Variants in TFAP4 observed in about 807,000 individuals in gnomAD.
The protein encoded by TFAP4 is activating enhancer-binding protein 4.
In TFAP4, 7 loss-of-function variants were observed where a neutral mutation model predicts 40.4. That is an observed-to-expected ratio of 0.17 (90% CI 0.10 to 0.33). The LOEUF (loss-of-function observed/expected upper bound fraction) is 0.33. TFAP4 is among the 10% of genes least tolerant of loss of function. TFAP4 has a pLI of 1.00. For missense variants in TFAP4, 374 were observed against 451.1 expected, an observed-to-expected ratio of 0.83 and a Z score of 1.55; for synonymous variants, 218 against 181.4, an observed-to-expected ratio of 1.20 and a Z score of -1.62.
intron 1 of TFAP4, among the ~76,000 whole-genome samples, chr16:4,270,894 C>T (rs556799616): frequency 1.3e-5 from 2 of 152,336 alleles, no homozygotes; most frequent in African/African-American, 4.8e-5. Context: ...GGTTCAAGTT[C>T]CAGTTCCACC....
Position 4,260,224 on chromosome 16 carries a change from T to TGGGGGGGGGGGGGGGGGGGGGGGGG in TFAP4, c.687_688insCCCCCCCCCCCCCCCCCCCCCCCCC (p.Thr230ProfsTer90). 4.5e-6 allele frequency: 1 copy of TGGGGGGGGGGGGGGGGGGGGGGGGG among 223,764 alleles called. No homozygotes were observed. Among genetic ancestry groups the TGGGGGGGGGGGGGGGGGGGGGGGGG allele is most frequent in the East Asian group, 1.1e-4 (1 of 8,916 alleles). The allele number at this position is 223,764 out of a possible 1,614,324, so 13.9% of individuals were successfully genotyped here. On this transcript the variant is annotated frameshift_variant, in exon 6 of 7. Transcript: ENST00000204517. LOFTEE classifies it high-confidence loss of function. ...GGCACGATCACCGTGGGGTGGTGGG[T>TGGGGGGGGGGGGGGGGGGGGGGGGG]GGGGGCCGGAGGGGGCAGAAGCTGC...
Position 4,257,887 on chromosome 16 carries a change from G to T in TFAP4, c.*168C>A. ...CCCCAGCCCCGGGACCTCGGGTTGA[G>T]TGGCTTCGTTCAAAGGTCGATTTAC... On this transcript the variant is annotated 3_prime_UTR_variant, in exon 7 of 7. Transcript: ENST00000204517. The T allele has an allele frequency of 1.4e-6, 1 of 706,964 alleles. No individual in the cohort carries two copies. The highest frequency in any genetic ancestry group is 2.3e-6 in the Non-Finnish European group (1 of 440,792). The allele number at this position is 706,964 out of a possible 1,614,324, so 43.8% of individuals were successfully genotyped here. A position where few individuals can be genotyped will look rare whatever the true frequency, so the allele number is the denominator to read the frequency against.
intron 1 of TFAP4, among the ~76,000 whole-genome samples, chr16:4,270,858 TGCA>T (rs911060988): frequency 6.6e-6 from 1 of 152,200 alleles, no homozygotes; most frequent in Non-Finnish European, 1.5e-5. Context: ...AGCCCAGCCC[TGCA>T]GCAGCAGCAA....
chr16:4,267,092 A>C (rs1311381622), intron 1 of TFAP4: 1 of 152,064 alleles, frequency 6.6e-6, no homozygotes, highest in Non-Finnish European at 1.5e-5. Context: ...AGAGTGCAGT[A>C]GCACAATCTC....
intron 1 of TFAP4, chr16:4,262,991 T>C (rs1430067696): frequency 2.4e-6 from 1 of 410,010 alleles, no homozygotes; most frequent in Non-Finnish European, 4.5e-6. Context: ...CTAGGCAACG[T>C]AGTGAGACCC....
chr16:4,271,717 A>C (rs2053042319), intron 1 of TFAP4, among the ~76,000 whole-genome samples: 1 of 152,124 alleles, frequency 6.6e-6, no homozygotes, highest in South Asian at 2.1e-4. Context: ...TGGATGGGAA[A>C]GTTTGCAGAG....
At chr16:4,266,535 C>A (rs1417984320) in intron 1 of TFAP4, 3 of 152,034 alleles carry the variant, frequency 2.0e-5, no homozygotes, top group Admixed American at 6.6e-5. Flanking sequence ...GGAATAGGAG[C>A]TAACCAGGGG....
At chr16:4,260,289 G>A in intron 5 of TFAP4, 44 bp from the exon 6 acceptor site, 1 of 1,520,888 alleles carries the variant, frequency 6.6e-7, no homozygotes, top group Non-Finnish European at 8.8e-7. Context: ...GGCTTCTCTT[G>A]GCCCATCCAC....
In TFAP4 at chr16:4,272,584, A is replaced by T. The variant is rs1479051810; in HGVS notation, c.89+74T>A. ...GGCGGCGCGGGCCATGCGTGCGCAC[A>T]CGCGCGCCCGCCCGGGCGGGCTGGC... On this transcript the variant is annotated intron_variant, in intron 1 of 6. Transcript: ENST00000204517. The T allele has an allele frequency of 2.6e-6, 3 of 1,138,616 alleles. No individual in the cohort carries two copies. In the African/African-American group the frequency reaches 5.2e-5, roughly 20 times the overall value. 70.5% of individuals were successfully genotyped at this position (1,138,616 alleles called of 1,614,324 possible). A position where few individuals can be genotyped will look rare whatever the true frequency, so the allele number is the denominator to read the frequency against.
At chr16:4,261,656 C>T in intron 4 of TFAP4, 123 bp downstream of exon 4, 1 of 1,180,984 alleles carries the variant, frequency 8.5e-7, no homozygotes, top group East Asian at 2.7e-5. Flanking sequence ...ACTCCTAGGC[C>T]TGGCACCGCA....
In TFAP4 at chr16:4,262,521, C is replaced by G; in HGVS notation, c.255+15G>C. 6.2e-7 allele frequency: 1 copy of G among 1,612,716 alleles called. No individual in the cohort carries two copies. Among genetic ancestry groups the G allele is most frequent in the Non-Finnish European group, 8.5e-7 (1 of 1,180,004 alleles). Reference sequence around the variant, plus strand: ...CTGCCGGCTCCTCCAGGAAGCCCTCCCTGCTCTCACCCACCTTGCTGAGCT... The same window carrying G: ...CTGCCGGCTCCTCCAGGAAGCCCTCGCTGCTCTCACCCACCTTGCTGAGCT... On this transcript the variant is annotated intron_variant, in intron 2 of 6. Transcript: ENST00000204517.
In TFAP4 at chr16:4,261,768, C is replaced by T; in HGVS notation, c.525+11G>A. On this transcript the variant is annotated intron_variant, in intron 4 of 6. Transcript: ENST00000204517. ...ACCGCGCGCCGTGCCCAGCAGAGGG[C>T]GCTGCCTCACCTGCTCCTCCAGCAT... The T allele has an allele frequency of 1.3e-6, 2 of 1,593,746 alleles. No individual in the cohort carries two copies. The highest frequency in any genetic ancestry group is 8.5e-7 in the Non-Finnish European group (1 of 1,172,184).
In TFAP4 at chr16:4,261,862, C is replaced by A. The variant is rs559854345; in HGVS notation, c.442G>T (p.Ala148Ser). 6.2e-7 allele frequency: 1 copy of A among 1,613,718 alleles called. No homozygotes were observed. The highest frequency in any genetic ancestry group is 1.1e-5 in the South Asian group (1 of 90,970). The change falls in exon 4 of 7, where the codon GCG (alanine) becomes TCG (serine). Residue 148 changes from alanine (A) to serine (S), a missense_variant. Ala to Ser is a moderately conservative substitution (Grantham distance 99). This residue lies in a region of TFAP4 where 161 missense variants were observed against 154.2 expected (regional missense o/e 1.04). Coordinates refer to ENST00000204517, the MANE Select transcript of TFAP4 (RefSeq NM_003223.3). ...ATCATCTCCCGCCGCAGGTCCTCCG[C>A]CTTCTCGTCCTCCCAGATGTCCGGG... is the stretch of plus-strand genomic sequence containing the variant. ...GSPDIWEDEK[A>S]EDLRREMIEL...
chr16:4,257,823 C>T lies in TFAP4; in HGVS notation c.*232G>A, dbSNP rs904258779. Reference sequence around the variant, plus strand: ...TCCTCCAGCCCCCGGGGCCGAGGCCCCGCCCTGGGGTGCCGATGCTCCCAC... The same window carrying T: ...TCCTCCAGCCCCCGGGGCCGAGGCCTCGCCCTGGGGTGCCGATGCTCCCAC... On this transcript the variant is annotated 3_prime_UTR_variant, in exon 7 of 7. Coordinates refer to ENST00000204517, the MANE Select transcript of TFAP4 (RefSeq NM_003223.3). The T allele has an allele frequency of 2.7e-4, 121 of 440,928 alleles. No homozygotes were observed. The highest frequency in any genetic ancestry group is 6.1e-4 in the Middle Eastern group (1 of 1,636). 27.3% of individuals were successfully genotyped at this position (440,928 alleles called of 1,614,324 possible).
Position 4,257,809 on chromosome 16 carries a change from C to G in TFAP4, c.*246G>C, listed in dbSNP as rs529556746. The G allele has an allele frequency of 1.2e-5, 5 of 419,140 alleles. No homozygotes were observed. The South Asian group carries it at 2.6e-4, about 22-fold the overall frequency. The allele number at this position is 419,140 out of a possible 1,614,324, so 26.0% of individuals were successfully genotyped here. A position where few individuals can be genotyped will look rare whatever the true frequency, so the allele number is the denominator to read the frequency against. On this transcript the variant is annotated 3_prime_UTR_variant, in exon 7 of 7. Transcript: ENST00000204517. ...TCTCCGTGTCAGCTTCCTCCAGCCC[C>G]CGGGGCCGAGGCCCCGCCCTGGGGT...
At chr16:4,263,001 C>G (rs766094740) in intron 1 of TFAP4, 1 of 361,856 alleles carries the variant, frequency 2.8e-6, no homozygotes, top group Non-Finnish European at 5.2e-6. Flanking sequence ...TAGTGAGACC[C>G]TGTCTCTACA....
chr16:4,261,509 G>A (rs1326065499), intron 4 of TFAP4, among the ~76,000 whole-genome samples: 1 of 151,240 alleles, frequency 6.6e-6, no homozygotes, highest in Middle Eastern at 3.4e-3. Flanking sequence ...GGATGGTATC[G>A]ATCTGCTGAC....
intron 1 of TFAP4, chr16:4,264,007 C>G (rs1181651940): frequency 6.6e-6 from 1 of 152,490 alleles, no homozygotes; most frequent in Non-Finnish European, 1.5e-5. Flanking sequence ...GCTGCCGGCC[C>G]CACCCGAAGC....
At chr16:4,263,991 G>A (rs574264942) in intron 1 of TFAP4, 46 of 152,744 alleles carry the variant, frequency 3.0e-4, no homozygotes, top group Non-Finnish European at 5.6e-4. Context: ...TGGGCTCTCA[G>A]CAGAGGCTGC....
Sources: gnomAD v4.1 joint callset for allele counts (sites outside exome capture counted in the v4.1 genomes callset) on GRCh38, gnomAD v4.1.1 for gene constraint, gnomAD v4.1.1 regional missense constraint, MANE v1.5 for transcripts, NCBI Gene and HGNC (gene_info 2026-07-23, HGNC 2026-07-21) for gene names.